The following AKAP9 variants were observed in gnomAD, a reference collection of about 807,000 sequenced individuals.
AKAP9 encodes A-kinase anchor protein 9.
AKAP9 carries 311 observed loss-of-function variants against 488.5 expected under a neutral mutation model. The observed-to-expected ratio is 0.64, with a 90% confidence interval of 0.58 to 0.70. The LOEUF is 0.70. Ranked by LOEUF, AKAP9 falls within the 30% of genes least tolerant of loss-of-function variation. The pLI is 0.00. For missense variants in AKAP9, 4,215 were observed against 4,374.5 expected (o/e 0.96, Z 1.03); for synonymous variants, 1,462 against 1,483.5 (o/e 0.99, Z 0.33).
At position 92,087,656 on chromosome 7, in the gene AKAP9, G is replaced by A. The variant is rs369880253; in HGVS notation, c.9213+1240G>A. On this transcript the variant is annotated intron_variant, in intron 37 of 49. Coordinates refer to ENST00000356239, the MANE Select transcript of AKAP9 (RefSeq NM_005751.5). ...TTCTTGTAGAACTGATGATTCTAGG[G>A]ATGGACCAGGGAAAGTATAAGGTGA... 4.6e-5 allele frequency among the ~76,000 whole-genome samples: 7 copies of A among 151,958 alleles called. No homozygotes were observed. The East Asian group carries it at 1.2e-3, about 25-fold the overall frequency.
intron 14 of AKAP9, among the ~76,000 whole-genome samples, chr7:92,029,042 T>C (rs982366519): frequency 3.3e-5 from 5 of 151,926 alleles, no homozygotes; most frequent in African/African-American, 4.8e-5. Flanking sequence ...AAGGTCAAAC[T>C]AAGAAAGCAG....
rs536456516 is a variant in AKAP9 at position 91,955,378 on chromosome 7, C to A, written c.48+14231C>A. ...ACCCTGCTGAAGAAGCATACACATA[C>A]GAATATATTTGAAACCTTTCCTCAT... On this transcript the variant is annotated intron_variant, in intron 1 of 49. Transcript: ENST00000356239. Among the ~76,000 whole-genome samples the A allele has an allele frequency of 5.7e-4, 86 of 152,152 alleles. 1 individual carries two copies. Among genetic ancestry groups the A allele is most frequent in the Non-Finnish European group, 2.4e-4 (16 of 68,034 alleles).
At chr7:92,049,527 C>T (rs1213013508) in intron 21 of AKAP9, among the ~76,000 whole-genome samples, 2 of 152,164 alleles carry the variant, frequency 1.3e-5, no homozygotes, top group African/African-American at 2.4e-5. Context: ...AAGAGAATGA[C>T]GTGAACCCCG....
intron 24 of AKAP9, among the ~76,000 whole-genome samples, chr7:92,064,803 A>G (rs1327148568): frequency 6.6e-6 from 1 of 152,144 alleles, no homozygotes; most frequent in African/African-American, 2.4e-5. Flanking sequence ...CTTCATGTTT[A>G]TTGTGTATGC....
Position 92,099,806 on chromosome 7 carries a change from C to T in AKAP9, c.10833C>T (p.Asn3611=). 6.2e-7 allele frequency: 1 copy of T among 1,614,052 alleles called. No homozygotes were observed. The highest frequency in any genetic ancestry group is 1.1e-5 in the South Asian group (1 of 91,070). ...CTGAAGAGAAGAATGACTTAAGGAA[C>T]ATGGTTATGAAGCTGGAAGAGCAGA... ...QLTEEKNDLR[N]MVMKLEEQIR... Residue 3611 remains asparagine (N), a synonymous_variant, in exon 44 of 50, where the codon AAC becomes AAT. Transcript: ENST00000356239.
intron 22 of AKAP9, among the ~76,000 whole-genome samples, chr7:92,060,052 A>C (rs983695458): frequency 7.2e-5 from 11 of 151,994 alleles, no homozygotes; most frequent in Non-Finnish European, 1.5e-4. Context: ...ATAATTGCAT[A>C]CTGGATATTT....
At position 92,093,027 on chromosome 7, in the gene AKAP9, T is replaced by C. The variant is rs116491759; in HGVS notation, c.9359-70T>C. On this transcript the variant is annotated intron_variant, in intron 38 of 49. Coordinates refer to ENST00000356239, the MANE Select transcript of AKAP9 (RefSeq NM_005751.5). Reference sequence around the variant, plus strand: ...CTCCTTAACTACAAATCAGTTCTTATCAACAAATATTTATAAACCAAATAT... The same window carrying C: ...CTCCTTAACTACAAATCAGTTCTTACCAACAAATATTTATAAACCAAATAT... 654 of 1,340,008 alleles carry C rather than the reference T, an allele frequency of 4.9e-4. 4 individuals are homozygous for C. In the African/African-American group the frequency reaches 8.2e-3, roughly 17 times the overall value. The allele number at this position is 1,340,008 out of a possible 1,614,324, so 83.0% of individuals were successfully genotyped here.
chr7:92,086,447 T>G (rs1231889525), intron 37 of AKAP9, 31 bp downstream of exon 37: 1 of 1,533,968 alleles, frequency 6.5e-7, no homozygotes, highest in Non-Finnish European at 9.0e-7. Flanking sequence ...AAAAACACTT[T>G]AATAGAAATA....
At chr7:92,096,118 C>G (rs1241003766) in intron 40 of AKAP9, among the ~76,000 whole-genome samples, 1 of 152,022 alleles carries the variant, frequency 6.6e-6, no homozygotes, top group Non-Finnish European at 1.5e-5. Context: ...GGTTGTTATT[C>G]TTATAAGAAA....
chr7:92,090,590 C>G (rs1815356375), intron 38 of AKAP9: 1 of 147,608 alleles, frequency 6.8e-6, no homozygotes. Flanking sequence ...CCACTGCACT[C>G]TAGCCTGAGC....
At chr7:92,068,918 C>A (rs1332001052) in intron 26 of AKAP9, among the ~76,000 whole-genome samples, 1 of 152,094 alleles carries the variant, frequency 6.6e-6, no homozygotes, top group Non-Finnish European at 1.5e-5. Context: ...CATCACATGT[C>A]GCTTTTTTTA....
chr7:92,036,507 T>G (rs1017259224), intron 16 of AKAP9, among the ~76,000 whole-genome samples: 7 of 152,160 alleles, frequency 4.6e-5, no homozygotes, highest in Non-Finnish European at 8.8e-5. Flanking sequence ...ATTGATCATC[T>G]TGAATCTTGG....
At position 92,097,077 on chromosome 7, in the gene AKAP9, C is replaced by G. The variant is rs140470576; in HGVS notation, c.10118C>G (p.Ser3373Cys). ...GAGACTGAAAAATATAAACTGGATT[C>G]TTTGCAAACACGACAGCAAATGGAA... Reference protein sequence around the residue: ...LNETEKYKLDSLQTRQQMEKD... With the variant: ...LNETEKYKLDCLQTRQQMEKD... The change falls in exon 41 of 50, where the codon TCT (serine) becomes TGT (cysteine). Residue 3373 changes from serine to cysteine, a missense_variant. Transcript: ENST00000356239. The G allele has an allele frequency of 9.3e-6, 15 of 1,614,180 alleles. No individual in the cohort carries two copies. The Admixed American group carries it at 2.5e-4, about 27-fold the overall frequency.
Position 92,069,939 on chromosome 7 carries a change from G to A in AKAP9, c.6331-91G>A, listed in dbSNP as rs1811409125. ...TTCAGATTTTGGAGCATTTTGGATTGTAGATATCCAAAATGAGGGATAACT... is the reference window on the plus strand; with the variant it reads ...TTCAGATTTTGGAGCATTTTGGATTATAGATATCCAAAATGAGGGATAACT... On this transcript the variant is annotated intron_variant, in intron 26 of 49. Transcript: ENST00000356239. 4.3e-6 allele frequency: 5 copies of A among 1,149,890 alleles called. No individual in the cohort carries two copies. The South Asian group carries it at 5.5e-5, about 13-fold the overall frequency. 71.2% of individuals were successfully genotyped at this position (1,149,890 alleles called of 1,614,324 possible). A position where few individuals can be genotyped will look rare whatever the true frequency, so the allele number is the denominator to read the frequency against.
chr7:91,984,846 C>G (rs983772636), intron 3 of AKAP9, among the ~76,000 whole-genome samples: 1 of 152,156 alleles, frequency 6.6e-6, no homozygotes, highest in Non-Finnish European at 1.5e-5. Flanking sequence ...AGGTCCTTCA[C>G]ATCCCTTGTA....
intron 9 of AKAP9, among the ~76,000 whole-genome samples, chr7:92,013,817 C>T (rs912343761): frequency 6.6e-6 from 1 of 150,848 alleles, no homozygotes; most frequent in South Asian, 2.1e-4. Context: ...AAACTAGAGG[C>T]TAATGAATAG....
At chr7:92,009,849 G>GA (rs1417810362) in intron 8 of AKAP9, among the ~76,000 whole-genome samples, 1 of 151,824 alleles carries the variant, frequency 6.6e-6, no homozygotes, top group Non-Finnish European at 1.5e-5. Flanking sequence ...TAGATAGCAG[G>GA]AAAAAAAATC....
Position 92,098,110 on chromosome 7 carries a change from C to T in AKAP9, c.10609C>T (p.Leu3537=). ...QVLPQKASER[L]QFETADDEDF... ...TGACTTTTTGTCTTTTTCTTGAAGA[C>T]TACAGTTTGAAACAGCAGATGATGA... is the stretch of plus-strand genomic sequence containing the variant. The change falls in exon 43 of 50, where the codon CTA becomes TTA. Residue 3537 remains leucine, a splice_region_variant and synonymous_variant. Transcript: ENST00000356239. 6.2e-7 allele frequency: 1 copy of T among 1,601,066 alleles called. No homozygotes were observed. Among genetic ancestry groups the T allele is most frequent in the Non-Finnish European group, 8.6e-7 (1 of 1,168,480 alleles).
chr7:92,057,069 A>G (rs1434808766), intron 22 of AKAP9, among the ~76,000 whole-genome samples: 2 of 152,054 alleles, frequency 1.3e-5, no homozygotes, highest in Non-Finnish European at 2.9e-5. Context: ...AAGTTTAGTC[A>G]GGGTTCATAA....
Sources: gnomAD v4.1 joint callset for allele counts (sites outside exome capture counted in the v4.1 genomes callset) on GRCh38, gnomAD v4.1.1 for gene constraint, MANE v1.5 for transcripts, NCBI Gene and HGNC (gene_info 2026-07-23, HGNC 2026-07-21) for gene names.